The following SEM1 variants were observed in gnomAD, a reference collection of about 807,000 sequenced individuals.
SEM1 encodes the protein 26S proteasome complex subunit SEM1.
SEM1 carries 3 observed loss-of-function variants against 12.7 expected under a neutral mutation model. The observed-to-expected ratio is 0.24, with a 90% CI of 0.11 to 0.61. SEM1 has a LOEUF of 0.61. Among genes scored for constraint, SEM1 ranks in the 20% least tolerant of loss-of-function variants. SEM1 has a pLI of 0.88. For missense variants in SEM1, 59 were observed against 81.3 expected (o/e 0.73, Z 1.06); for synonymous variants, 30 against 27.8 (o/e 1.08, Z -0.25).
intron 2 of SEM1, among the ~76,000 whole-genome samples, chr7:96,591,809 T>C (rs1331862053): frequency 1.1e-5 from 1 of 90,044 alleles, no homozygotes; most frequent in Admixed American, 1.4e-4. Context: ...CTCCAGGCAA[T>C]GGAGTTTTTT....
chr7:96,694,735 A>G, intron 2 of SEM1, 63 bp downstream of exon 2: 2 of 1,081,448 alleles, frequency 1.8e-6, no homozygotes, highest in Non-Finnish European at 2.8e-6. Flanking sequence ...CATCTATGTA[A>G]ATTACATATT....
chr7:96,543,567 C>T (rs1805019554), intron 2 of SEM1, among the ~76,000 whole-genome samples: 1 of 151,852 alleles, frequency 6.6e-6, no homozygotes, highest in Non-Finnish European at 1.5e-5. Context: ...TTCTTGTTTT[C>T]TGTCAATGTG....
intron 2 of SEM1, among the ~76,000 whole-genome samples, chr7:96,662,862 T>C (rs1789053016): frequency 6.6e-6 from 1 of 152,034 alleles, no homozygotes; most frequent in East Asian, 1.9e-4. Flanking sequence ...GAAGGCAATA[T>C]AGGAGAATAT....
rs958419603 is a variant in SEM1 at position 96,568,711 on chromosome 7, C to A, written c.171-62013G>T. Reference sequence around the variant, plus strand: ...GTGTTGTAAAAGAGATTAAAATCTTCATTTAGCTCCTAACATTTAAAAATT... The same window carrying A: ...GTGTTGTAAAAGAGATTAAAATCTTAATTTAGCTCCTAACATTTAAAAATT... On this transcript the variant is annotated intron_variant and NMD_transcript_variant, in intron 2 of 3. Transcript: ENST00000466986. 4.6e-5 allele frequency among the ~76,000 whole-genome samples: 7 copies of A among 151,780 alleles called. 1 individual carries two copies. The highest frequency in any genetic ancestry group is 6.6e-5 in the Admixed American group (1 of 15,202).
At chr7:96,579,007 G>A (rs960823504) in intron 2 of SEM1, among the ~76,000 whole-genome samples, 1 of 152,118 alleles carries the variant, frequency 6.6e-6, no homozygotes, top group Non-Finnish European at 1.5e-5. Context: ...GAGAAACTAG[G>A]AACTGTAACC....
rs543354079 is a variant in SEM1, at chr7:96,524,805, G to C, written c.171-18107C>G. On this transcript the variant is annotated intron_variant and NMD_transcript_variant, in intron 2 of 3. Transcript: ENST00000466986. The stretch of plus-strand genomic sequence containing the variant: ...CAATTCAGATGCTAGATTTTCATGG[G>C]AATTATTTGATCTGTATTTAAATAT... Among the ~76,000 whole-genome samples, 39 of 151,978 alleles carry C rather than the reference G, an allele frequency of 2.6e-4. No homozygotes were observed. In the South Asian group the frequency reaches 8.1e-3, roughly 32 times the overall value.
chr7:96,613,545 A>T (rs1807609041), intron 2 of SEM1, among the ~76,000 whole-genome samples: 1 of 152,202 alleles, frequency 6.6e-6, no homozygotes, highest in Non-Finnish European at 1.5e-5. Context: ...CTTTGTGGTA[A>T]TACTATTTAC....
chr7:96,599,497 T>A (rs1807124110), intron 2 of SEM1, among the ~76,000 whole-genome samples: 1 of 152,154 alleles, frequency 6.6e-6, no homozygotes, highest in Non-Finnish European at 1.5e-5. Flanking sequence ...CTAACAAATA[T>A]TTGCTGATGA....
downstream of SEM1, chr7:96,673,395 A>G (rs956627338): frequency 1.6e-4 from 32 of 194,172 alleles, no homozygotes; most frequent in African/African-American, 5.7e-4. Flanking sequence ...GATTACAGGC[A>G]TGAGCCACTG....
rs137953708 is a variant in SEM1, at chr7:96,660,386, A to G, written c.170+34412T>C. On this transcript the variant is annotated intron_variant, in intron 2 of 2. Coordinates refer to the SEM1 transcript ENST00000417009. ...CAACACATTTCTCTCAATTCTTGAT[A>G]GGTCAAAGAGATTTTTAAAAAATTA... 9.5e-4 allele frequency among the ~76,000 whole-genome samples: 145 copies of G among 152,326 alleles called. 1 individual carries two copies. Among genetic ancestry groups the G allele is most frequent in the Admixed American group, 1.6e-3 (24 of 15,298 alleles).
upstream of SEM1, chr7:96,496,376 T>C (rs1675850243): frequency 9.3e-7 from 1 of 1,072,206 alleles, no homozygotes. Flanking sequence ...AAATGTAATA[T>C]AAAAGAGTGT....
rs530723998 is a variant in SEM1, at chr7:96,534,051, A to G, written c.171-27353T>C. ...TCAAGTACAATATACATCTATGCAG[A>G]TATCTGAGTTGAGAGCTGAACTAGC... is the stretch of plus-strand genomic sequence containing the variant. On this transcript the variant is annotated intron_variant and NMD_transcript_variant, in intron 2 of 3. Coordinates refer to the SEM1 transcript ENST00000466986. Among the ~76,000 whole-genome samples, 36 of 152,190 alleles carry G rather than the reference A, an allele frequency of 2.4e-4. No individual in the cohort carries two copies. In the South Asian group the frequency reaches 2.9e-3, roughly 12 times the overall value.
rs563985018 is a variant in SEM1 at position 96,607,142 on chromosome 7, G to C, written c.170+87656C>G. On this transcript the variant is annotated intron_variant and NMD_transcript_variant, in intron 2 of 3. Transcript: ENST00000466986. The stretch of plus-strand genomic sequence containing the variant: ...CTATTATGTGCCAGAAACTGCTCTA[G>C]GTGCTGAGGATACCTTGGTGAAACA... 3.9e-5 allele frequency among the ~76,000 whole-genome samples: 6 copies of C among 152,292 alleles called. No homozygotes were observed. The South Asian group carries it at 1.2e-3, about 32-fold the overall frequency.
intron 3 of SEM1, among the ~76,000 whole-genome samples, chr7:96,503,890 C>T (rs572920874): frequency 6.6e-6 from 1 of 152,176 alleles, no homozygotes; most frequent in East Asian, 1.9e-4. Flanking sequence ...CAGATACAAC[C>T]CAGATACTGT....
At chr7:96,533,696 G>GAT (rs1804707668) in intron 2 of SEM1, among the ~76,000 whole-genome samples, 2 of 151,920 alleles carry the variant, frequency 1.3e-5, no homozygotes, top group Non-Finnish European at 2.9e-5. Context: ...CCTCTGGGGG[G>GAT]TCCCTAAGAT....
At chr7:96,687,856 T>C (rs1452994954), downstream of SEM1, 1 of 152,070 alleles carries the variant, frequency 6.6e-6, no homozygotes, top group Non-Finnish European at 1.5e-5. Context: ...AGTTCTTTGG[T>C]GTTCCTTATT....
rs764217027 is a variant in SEM1 at position 96,688,892 on chromosome 7, A to C, written c.*32T>G. On this transcript the variant is annotated 3_prime_UTR_variant, in exon 3 of 3. Coordinates refer to ENST00000248566, the MANE Select transcript of SEM1 (RefSeq NM_006304.2). ...GCCCTAGAATGTATTAAGCAGGTCA[A>C]GTTTAGGTTACTTCAACACTTCTTC... 6.8e-7 allele frequency: 1 copy of C among 1,472,734 alleles called. No homozygotes were observed. Among genetic ancestry groups the C allele is most frequent in the East Asian group, 2.3e-5 (1 of 44,016 alleles). 91.2% of individuals were successfully genotyped at this position (1,472,734 alleles called of 1,614,324 possible).
intron 2 of SEM1, among the ~76,000 whole-genome samples, chr7:96,629,935 A>T (rs1043395409): frequency 4.6e-5 from 7 of 152,190 alleles, no homozygotes; most frequent in Admixed American, 2.6e-4. Flanking sequence ...AATTCTGTGG[A>T]TTACCAGACT....
intron 2 of SEM1, among the ~76,000 whole-genome samples, chr7:96,625,880 A>T (rs1266935466): frequency 6.6e-6 from 1 of 152,100 alleles, no homozygotes; most frequent in East Asian, 1.9e-4. Flanking sequence ...TTTAATTTTA[A>T]TTTTTATGGG....
Sources: allele counts gnomAD v4.1 joint callset (sites outside exome capture counted in the v4.1 genomes callset), GRCh38; gene constraint gnomAD v4.1.1; transcripts MANE v1.5; gene names NCBI Gene and HGNC (gene_info 2026-07-23, HGNC 2026-07-21).